The following POU2F1 variants were observed in gnomAD, a reference collection of about 807,000 sequenced individuals.
POU2F1 encodes POU domain, class 2, transcription factor 1.
POU2F1 carries 16 observed loss-of-function variants against 84.9 expected under a neutral mutation model. The observed-to-expected ratio is 0.19, with a 90% confidence interval of 0.13 to 0.29. The LOEUF is 0.29. Ranked by LOEUF, POU2F1 falls within the 10% of genes least tolerant of loss-of-function variation. POU2F1 has a pLI of 1.00. For missense variants in POU2F1, 738 were observed against 942.6 expected, an observed-to-expected ratio of 0.78 and a Z score of 2.84; for synonymous variants, 368 against 368.3, an observed-to-expected ratio of 1.00 and a Z score of 0.01.
intron 1 of POU2F1, among the ~76,000 whole-genome samples, chr1:167,259,845 A>G (rs575065867): frequency 2.0e-5 from 3 of 152,090 alleles, no homozygotes; most frequent in African/African-American, 7.2e-5. Flanking sequence ...TGTTAATGAT[A>G]TTAAGTATCT....
At chr1:167,379,496 A>G (rs1207010444) in intron 7 of POU2F1, 1 of 152,240 alleles carries the variant, frequency 6.6e-6, no homozygotes, top group Non-Finnish European at 1.5e-5. Flanking sequence ...GAGGGTTGAT[A>G]GGGTCAGAGA....
At chr1:167,280,873 A>C (rs4656536) in intron 1 of POU2F1, among the ~76,000 whole-genome samples, 1 of 151,992 alleles carries the variant, frequency 6.6e-6, no homozygotes, top group Non-Finnish European at 1.5e-5. Context: ...GTTTGTTACT[A>C]TGCTGTATTG....
intron 1 of POU2F1, among the ~76,000 whole-genome samples, chr1:167,310,329 T>C (rs1158686340): frequency 6.6e-6 from 1 of 151,984 alleles, no homozygotes; most frequent in Non-Finnish European, 1.5e-5. Context: ...ATATCAGTAA[T>C]CACAAAGGAA....
intron 2 of POU2F1, among the ~76,000 whole-genome samples, chr1:167,343,030 G>C (rs1657960510): frequency 6.6e-6 from 1 of 152,072 alleles, no homozygotes; most frequent in Non-Finnish European, 1.5e-5. Context: ...CCTCCCTCTA[G>C]TGTTTGATTT....
At chr1:167,224,552 A>G (rs1417959708) in intron 1 of POU2F1, among the ~76,000 whole-genome samples, 1 of 152,206 alleles carries the variant, frequency 6.6e-6, no homozygotes. Context: ...TTCCATTGCA[A>G]CAGTGATTGC....
intron 1 of POU2F1, among the ~76,000 whole-genome samples, chr1:167,228,824 A>G (rs1419466467): frequency 6.6e-6 from 1 of 152,230 alleles, no homozygotes; most frequent in Non-Finnish European, 1.5e-5. Context: ...AGGTATAAAT[A>G]ATATTACCAT....
intron 3 of POU2F1, among the ~76,000 whole-genome samples, chr1:167,367,427 T>A (rs1366675495): frequency 3.3e-5 from 5 of 152,190 alleles, no homozygotes; most frequent in African/African-American, 4.8e-5. Context: ...AAGTCATAGA[T>A]GACTAAATGG....
chr1:167,367,025 C>CTTGG (rs959005326), intron 3 of POU2F1, among the ~76,000 whole-genome samples: 2 of 152,136 alleles, frequency 1.3e-5, no homozygotes, highest in Admixed American at 6.5e-5. Context: ...CCTGTACCAG[C>CTTGG]TCCAAGACCT....
At chr1:167,329,413 AG>A in intron 1 of POU2F1, 2 of 1,339,852 alleles carry the variant, frequency 1.5e-6, no homozygotes, top group Non-Finnish European at 2.0e-6. Flanking sequence ...GTGGCGGGGG[AG>A]GGGGAGAGTT....
chr1:167,273,203 C>A (rs1205515419), intron 1 of POU2F1, among the ~76,000 whole-genome samples: 1 of 152,210 alleles, frequency 6.6e-6, no homozygotes, highest in Admixed American at 6.5e-5. Flanking sequence ...CATCTCTGCC[C>A]CTGTGGCTCT....
intron 2 of POU2F1, among the ~76,000 whole-genome samples, chr1:167,350,515 A>AT (rs909217276): frequency 7.2e-5 from 11 of 151,754 alleles, no homozygotes; most frequent in African/African-American, 1.9e-4. Flanking sequence ...CAAAAGACAG[A>AT]TTTTTTTTCT....
At chr1:167,366,276 T>C (rs1437873488) in intron 3 of POU2F1, among the ~76,000 whole-genome samples, 13 of 152,216 alleles carry the variant, frequency 8.5e-5, no homozygotes, top group Admixed American at 8.5e-4. Flanking sequence ...TCTTGACTTA[T>C]GTTCACAATT....
intron 13 of POU2F1, among the ~76,000 whole-genome samples, chr1:167,408,845 TCTTC>T (rs1359077130): frequency 6.6e-6 from 1 of 152,244 alleles, no homozygotes. Flanking sequence ...CACTCCTATA[TCTTC>T]CTTGTTAAAA....
chr1:167,281,747 A>G (rs1158094570), intron 1 of POU2F1, among the ~76,000 whole-genome samples: 3 of 152,376 alleles, frequency 2.0e-5, no homozygotes, highest in Non-Finnish European at 4.4e-5. Flanking sequence ...CAAACTTAAA[A>G]TACGTAATGA....
intron 2 of POU2F1, among the ~76,000 whole-genome samples, chr1:167,341,432 A>T (rs1438500490): frequency 6.6e-6 from 1 of 152,218 alleles, no homozygotes; most frequent in African/African-American, 2.4e-5. Context: ...GAATTATGAT[A>T]GATAGATCCA....
intron 1 of POU2F1, among the ~76,000 whole-genome samples, chr1:167,233,699 T>C (rs1252370987): frequency 6.6e-6 from 1 of 152,226 alleles, no homozygotes; most frequent in Non-Finnish European, 1.5e-5. Flanking sequence ...CACAGCACTT[T>C]CAAGGAACAA....
chr1:167,360,572 AC>A (rs1156960777), intron 2 of POU2F1, among the ~76,000 whole-genome samples: 1 of 152,184 alleles, frequency 6.6e-6, no homozygotes, highest in Non-Finnish European at 1.5e-5. Flanking sequence ...TTGTACCAGT[AC>A]CATGCTGTTT....
At chr1:167,285,293 G>A (rs1653441385) in intron 1 of POU2F1, among the ~76,000 whole-genome samples, 1 of 152,198 alleles carries the variant, frequency 6.6e-6, no homozygotes, top group African/African-American at 2.4e-5. Context: ...ATGGCGATAT[G>A]TACTTTAGAT....
intron 1 of POU2F1, among the ~76,000 whole-genome samples, chr1:167,323,577 G>A (rs1239123479): frequency 6.6e-6 from 1 of 152,188 alleles, no homozygotes; most frequent in East Asian, 1.9e-4. Context: ...ATAGCATGCT[G>A]AAGACTTATT....
Sources: gnomAD v4.1 joint callset for allele counts (sites outside exome capture counted in the v4.1 genomes callset) on GRCh38, gnomAD v4.1.1 for gene constraint, MANE v1.5 for transcripts, NCBI Gene and HGNC (gene_info 2026-07-23, HGNC 2026-07-21) for gene names.